Variants in CALCRL observed in about 807,000 individuals in gnomAD.
CALCRL encodes calcitonin receptor like receptor.
CALCRL carries 27 observed loss-of-function variants against 60.4 expected under a neutral mutation model. The ratio of observed to expected loss-of-function variants is 0.45; its 90% CI spans 0.33 to 0.62. The LOEUF is 0.62. Ranked by LOEUF, CALCRL falls within the 20% of genes least tolerant of loss-of-function variation. The pLI, the probability that CALCRL is intolerant of heterozygous loss-of-function variation, is 0.03. For synonymous variants in CALCRL, 190 were observed against 182.6 expected (o/e 1.04, Z -0.33); for missense variants, 424 against 540.7 (o/e 0.78, Z 2.14).
At chr2:187,410,952 T>C (rs986199812) in intron 1 of CALCRL, among the ~76,000 whole-genome samples, 3 of 152,194 alleles carry the variant, frequency 2.0e-5, no homozygotes, top group Admixed American at 6.5e-5. Context: ...TTTTATCTAG[T>C]GCATTATCCT....
rs1686936224 is a variant in CALCRL at position 187,359,197 on chromosome 2, AAG to A, written c.842+13_842+14del. ...ACATTATTCCAGTAGAAATAATAAA[AAG>A]AGATTTTCTTACTTGTCATTGTAAT... On this transcript the variant is annotated intron_variant, in intron 11 of 14. Transcript: ENST00000392370. The A allele has an allele frequency of 6.3e-7, 1 of 1,595,836 alleles. No individual in the cohort carries two copies. The highest frequency in any genetic ancestry group is 8.6e-7 in the Non-Finnish European group (1 of 1,168,250).
intron 1 of CALCRL, among the ~76,000 whole-genome samples, chr2:187,445,148 G>C (rs1912850): frequency 1.1e-4 from 16 of 151,038 alleles, no homozygotes; most frequent in Admixed American, 1.1e-3. Flanking sequence ...TATCTTAAGC[G>C]TATTCTCCAA....
intron 1 of CALCRL, among the ~76,000 whole-genome samples, chr2:187,416,066 A>G (rs1159549799): frequency 6.6e-6 from 1 of 152,192 alleles, no homozygotes; most frequent in Admixed American, 6.5e-5. Context: ...TAATACAGGT[A>G]TAAAGTATTA....
intron 10 of CALCRL, 78 bp downstream of exon 10, chr2:187,360,497 AAATGATTACTCATTGGTATATTC>A: frequency 1.0e-6 from 1 of 1,000,164 alleles, no homozygotes; most frequent in Non-Finnish European, 1.4e-6. Context: ...TATTCTTTAA[AAATGATTACTCATTGGTATATTC>A]ATATTACAAA....
At chr2:187,359,678 C>T (rs964657099) in intron 10 of CALCRL, among the ~76,000 whole-genome samples, 51 of 151,988 alleles carry the variant, frequency 3.4e-4, no homozygotes, top group African/African-American at 9.7e-4. Context: ...AGAACTTCCA[C>T]TATGAGAGAG....
chr2:187,388,789 ACT>A (rs1371425255), intron 1 of CALCRL, among the ~76,000 whole-genome samples: 5 of 151,942 alleles, frequency 3.3e-5, no homozygotes, highest in African/African-American at 4.8e-5. Flanking sequence ...ATTTTGCAAA[ACT>A]CTATCATTTA....
chr2:187,411,465 C>G (rs972021502), intron 1 of CALCRL, among the ~76,000 whole-genome samples: 1 of 151,960 alleles, frequency 6.6e-6, no homozygotes, highest in Non-Finnish European at 1.5e-5. Flanking sequence ...TAGCAAATGA[C>G]CCATGGTATG....
At position 187,344,679 on chromosome 2, in the gene CALCRL, T is replaced by C. The variant is rs1559033432; in HGVS notation, c.*1505A>G. 2 of 151,748 alleles carry C rather than the reference T, an allele frequency of 1.3e-5. No homozygotes were observed. The highest frequency in any genetic ancestry group is 3.0e-5 in the Non-Finnish European group (2 of 67,754). The allele number at this position is 151,748 out of a possible 1,614,324, so 9.4% of individuals were successfully genotyped here. ...TATATTCAAGTATTTCCCTAATTTG[T>C]ATTATATACAGTAGCTCTATTAAAA... On this transcript the variant is annotated 3_prime_UTR_variant, in exon 15 of 15. Transcript: ENST00000392370.
In CALCRL at chr2:187,352,192, C is replaced by T. The variant is rs375271350; in HGVS notation, c.1050G>A (p.Val350=). The change falls in exon 13 of 15, where the codon GTG becomes GTA. Residue 350 remains valine, a synonymous_variant. Coordinates refer to ENST00000392370, the MANE Select transcript of CALCRL (RefSeq NM_005795.6). ...TTCCTTCAGGTCGCCATGGAATCAG[C>T]ACAAATTCAATGCCAAGCAATGGCA... ...ILVPLLGIEF[V]LIPWRPEGKI... 5 of 1,612,264 alleles carry T rather than the reference C, an allele frequency of 3.1e-6. No individual in the cohort carries two copies. Among genetic ancestry groups the T allele is most frequent in the Non-Finnish European group, 3.4e-6 (4 of 1,178,954 alleles).
intron 1 of CALCRL, among the ~76,000 whole-genome samples, chr2:187,422,488 A>G (rs1559072695): frequency 6.6e-6 from 1 of 152,132 alleles, no homozygotes; most frequent in Non-Finnish European, 1.5e-5. Context: ...ATCTAAAATG[A>G]GGCAGTTTCC....
intron 1 of CALCRL, among the ~76,000 whole-genome samples, chr2:187,394,537 T>C: frequency 6.6e-6 from 1 of 152,078 alleles, no homozygotes; most frequent in East Asian, 1.9e-4. Flanking sequence ...AAGTAGTAAC[T>C]CTGCTTCCCA....
At chr2:187,355,648 T>C (rs570898088) in intron 12 of CALCRL, among the ~76,000 whole-genome samples, 1 of 152,002 alleles carries the variant, frequency 6.6e-6, no homozygotes, top group East Asian at 1.9e-4. Flanking sequence ...CAAGCACATA[T>C]ATAAATAACT....
intron 5 of CALCRL, among the ~76,000 whole-genome samples, chr2:187,382,069 A>G (rs1688007018): frequency 6.6e-6 from 1 of 152,204 alleles, no homozygotes; most frequent in Non-Finnish European, 1.5e-5. Flanking sequence ...TTTAGAAAGC[A>G]TCTCAGATAT....
intron 1 of CALCRL, among the ~76,000 whole-genome samples, chr2:187,437,713 C>T (rs1368883441): frequency 6.6e-6 from 1 of 152,010 alleles, no homozygotes; most frequent in Non-Finnish European, 1.5e-5. Context: ...TTGATAATGA[C>T]TGTATCAAAT....
chr2:187,363,293 T>G, intron 9 of CALCRL, 83 bp downstream of exon 9: 1 of 1,291,126 alleles, frequency 7.7e-7, no homozygotes, highest in East Asian at 2.5e-5. Flanking sequence ...GTGTACTTAA[T>G]TATACACATT....
intron 1 of CALCRL, chr2:187,415,949 TC>T (rs1285248102): frequency 1.5e-5 from 3 of 200,376 alleles, no homozygotes. Flanking sequence ...ACTAAGAATC[TC>T]CCCTCTTCAC....
At chr2:187,348,413 G>A (rs558260933) in intron 14 of CALCRL, among the ~76,000 whole-genome samples, 1 of 151,704 alleles carries the variant, frequency 6.6e-6, no homozygotes, top group East Asian at 1.9e-4. Context: ...ATAGTTTCTG[G>A]TTGAGGGGAA....
chr2:187,366,218 CCGGCCTGG>C (rs1687278196), intron 8 of CALCRL, among the ~76,000 whole-genome samples: 3 of 125,572 alleles, frequency 2.4e-5, no homozygotes, highest in East Asian at 5.1e-4. Context: ...AGTCCGCAGT[CCGGCCTGG>C]GCGACAGAGC....
chr2:187,423,566 A>G (rs1689987802), intron 1 of CALCRL, among the ~76,000 whole-genome samples: 1 of 151,964 alleles, frequency 6.6e-6, no homozygotes, highest in Non-Finnish European at 1.5e-5. Context: ...GATTTAGAAA[A>G]CTTACTCTTG....
Sources: allele counts gnomAD v4.1 joint callset (sites outside exome capture counted in the v4.1 genomes callset), GRCh38; gene constraint gnomAD v4.1.1; transcripts MANE v1.5; gene names NCBI Gene and HGNC (gene_info 2026-07-23, HGNC 2026-07-21).